The following ZNF804A variants were observed in gnomAD, a reference collection of about 807,000 sequenced individuals.
The protein encoded by ZNF804A is zinc finger protein 804A.
In ZNF804A, 2 loss-of-function variants were observed where a neutral mutation model predicts 16.5. That is an observed-to-expected ratio of 0.12 (90% CI 0.05 to 0.38). The LOEUF is 0.38. Among genes scored for constraint, ZNF804A ranks in the 10% least tolerant of loss-of-function variants. ZNF804A has a pLI of 0.99. For missense variants in ZNF804A, 1,473 were observed against 1,390.7 expected (o/e 1.06, Z -0.94); for synonymous variants, 534 against 489.6 (o/e 1.09, Z -1.20).
intron 1 of ZNF804A, among the ~76,000 whole-genome samples, chr2:184,846,846 G>A (rs1158201411): frequency 5.3e-5 from 8 of 151,994 alleles, no homozygotes; most frequent in Admixed American, 5.3e-4. Flanking sequence ...TAAAACAGAT[G>A]CCCCAATGAG....
chr2:184,926,200 AC>A (rs1224050489), intron 2 of ZNF804A, among the ~76,000 whole-genome samples: 3 of 151,222 alleles, frequency 2.0e-5, no homozygotes, highest in African/African-American at 7.3e-5. Flanking sequence ...TATTGATGAA[AC>A]CCCTCAGCTT....
chr2:184,676,439 A>G (rs1040663625), intron 1 of ZNF804A, among the ~76,000 whole-genome samples: 1 of 151,680 alleles, frequency 6.6e-6, no homozygotes, highest in Non-Finnish European at 1.5e-5. Context: ...ATAGTTTAAC[A>G]TATTATCAAG....
chr2:184,628,043 A>C (rs941649538), intron 1 of ZNF804A, among the ~76,000 whole-genome samples: 2 of 152,228 alleles, frequency 1.3e-5, no homozygotes, highest in Non-Finnish European at 2.9e-5. Flanking sequence ...GGCCGGGCTC[A>C]GTGGCTCACC....
intron 1 of ZNF804A, among the ~76,000 whole-genome samples, chr2:184,815,184 A>T (rs1558969753): frequency 1.3e-5 from 2 of 152,120 alleles, no homozygotes; most frequent in East Asian, 3.9e-4. Context: ...TCAGAAATCC[A>T]CATTATCCAC....
chr2:184,806,748 A>G (rs1694811992), intron 1 of ZNF804A, among the ~76,000 whole-genome samples: 2 of 151,830 alleles, frequency 1.3e-5, no homozygotes, highest in African/African-American at 4.8e-5. Context: ...TTTTATTTTT[A>G]CAAAAGTACT....
chr2:184,727,105 T>C (rs1329548376), intron 1 of ZNF804A, among the ~76,000 whole-genome samples: 1 of 151,630 alleles, frequency 6.6e-6, no homozygotes, highest in Non-Finnish European at 1.5e-5. Context: ...AGGAACTTTA[T>C]ATTTTTCAGA....
At chr2:184,817,660 T>C (rs967116596) in intron 1 of ZNF804A, among the ~76,000 whole-genome samples, 1 of 151,800 alleles carries the variant, frequency 6.6e-6, no homozygotes, top group Admixed American at 6.6e-5. Flanking sequence ...AGAATCATGG[T>C]AAAGCAATAC....
At chr2:184,900,427 C>A (rs939607527) in intron 2 of ZNF804A, among the ~76,000 whole-genome samples, 5 of 152,088 alleles carry the variant, frequency 3.3e-5, no homozygotes, top group African/African-American at 1.2e-4. Flanking sequence ...TAGTCATATT[C>A]CAAGTGTATA....
chr2:184,624,977 G>A (rs1435922932), intron 1 of ZNF804A, among the ~76,000 whole-genome samples: 1 of 152,094 alleles, frequency 6.6e-6, no homozygotes, highest in Non-Finnish European at 1.5e-5. Flanking sequence ...TGTTCCGTTT[G>A]TGATGGGAAT....
intron 1 of ZNF804A, among the ~76,000 whole-genome samples, chr2:184,606,024 G>C (rs1691139187): frequency 6.6e-6 from 1 of 152,104 alleles, no homozygotes; most frequent in South Asian, 2.1e-4. Context: ...CTAAATGTAA[G>C]TACATTTAAT....
At chr2:184,910,828 T>A in intron 2 of ZNF804A, among the ~76,000 whole-genome samples, 1 of 152,052 alleles carries the variant, frequency 6.6e-6, no homozygotes. Flanking sequence ...GATTATTTGC[T>A]TTTTGCTTGT....
intron 1 of ZNF804A, 114 bp from the exon 2 acceptor site, chr2:184,866,255 C>T: frequency 1.2e-6 from 1 of 865,196 alleles, no homozygotes; most frequent in Non-Finnish European, 1.7e-6. Flanking sequence ...TTCTTTTTCT[C>T]TTTGCTGTAT....
At chr2:184,800,490 T>C (rs1403392613) in intron 1 of ZNF804A, among the ~76,000 whole-genome samples, 1 of 151,656 alleles carries the variant, frequency 6.6e-6, no homozygotes, top group Admixed American at 6.6e-5. Flanking sequence ...ATTTTCTTTT[T>C]TATTTCAAAA....
chr2:184,857,450 G>A (rs1166774571), intron 1 of ZNF804A, among the ~76,000 whole-genome samples: 1 of 152,036 alleles, frequency 6.6e-6, no homozygotes, highest in African/African-American at 2.4e-5. Context: ...AGTATTTCCT[G>A]TTACTGTGGA....
chr2:184,728,596 A>T (rs565403266), intron 1 of ZNF804A, among the ~76,000 whole-genome samples: 1 of 152,022 alleles, frequency 6.6e-6, no homozygotes, highest in South Asian at 2.1e-4. Flanking sequence ...GATGGGTGGT[A>T]TTCTAATTCC....
chr2:184,757,365 T>G (rs2105761552), intron 1 of ZNF804A, among the ~76,000 whole-genome samples: 1 of 152,052 alleles, frequency 6.6e-6, no homozygotes, highest in South Asian at 2.1e-4. Flanking sequence ...TCTCACCTCT[T>G]AAACATGTGC....
intron 1 of ZNF804A, among the ~76,000 whole-genome samples, chr2:184,675,694 G>T (rs978746992): frequency 6.6e-6 from 1 of 151,582 alleles, no homozygotes; most frequent in Non-Finnish European, 1.5e-5. Flanking sequence ...AGTGAGGCAC[G>T]GAGATATTTA....
chr2:184,772,027 C>T (rs779012191), intron 1 of ZNF804A, among the ~76,000 whole-genome samples: 1 of 151,932 alleles, frequency 6.6e-6, no homozygotes, highest in Non-Finnish European at 1.5e-5. Context: ...AAACAAAAAA[C>T]AGATCATTTG....
chr2:184,776,220 G>C (rs1176591235), intron 1 of ZNF804A, among the ~76,000 whole-genome samples: 1 of 151,450 alleles, frequency 6.6e-6, no homozygotes, highest in African/African-American at 2.4e-5. Context: ...TTTTTTGTTA[G>C]AAAGTTCCTG....
Sources: gnomAD v4.1 joint callset for allele counts (sites outside exome capture counted in the v4.1 genomes callset) on GRCh38, gnomAD v4.1.1 for gene constraint, MANE v1.5 for transcripts, NCBI Gene and HGNC (gene_info 2026-07-23, HGNC 2026-07-21) for gene names.